The following STK32A variants were observed in gnomAD, a reference collection of about 807,000 sequenced individuals.
STK32A encodes serine/threonine-protein kinase 32A.
Under a neutral mutation model 53.2 loss-of-function variants are expected in STK32A, and 41 were observed. The observed-to-expected ratio is 0.77, with a 90% CI of 0.60 to 1.00. The LOEUF (loss-of-function observed/expected upper bound fraction) is 1.00. Among genes scored for constraint, STK32A ranks in the 50% least tolerant of loss-of-function variants. The pLI is 0.00. For missense variants in STK32A, 458 were observed against 485.8 expected (o/e 0.94, Z 0.54); for synonymous variants, 166 against 162.8 (o/e 1.02, Z -0.15).
Position 147,373,008 on chromosome 5 carries a change from T to G in STK32A, c.778-161T>G, listed in dbSNP as rs115043818. Among the ~76,000 whole-genome samples the G allele has an allele frequency of 1.2e-3, 183 of 152,276 alleles. 1 individual carries two copies. Among genetic ancestry groups the G allele is most frequent in the African/African-American group, 4.4e-3 (181 of 41,548 alleles). The stretch of plus-strand genomic sequence containing the variant: ...TTGCAGAATCCTACATACTGTTCAT[T>G]CTAATAATGTATGATCTACATTGTT... On this transcript the variant is annotated intron_variant, in intron 9 of 12. Transcript: ENST00000397936.
intron 7 of STK32A, among the ~76,000 whole-genome samples, chr5:147,355,894 T>G (rs1372716713): frequency 1.3e-5 from 2 of 151,816 alleles, no homozygotes; most frequent in Non-Finnish European, 2.9e-5. Flanking sequence ...TTTCCAGACA[T>G]TTTTTCCTAA....
chr5:147,332,884 G>T (rs1380485903), intron 5 of STK32A, among the ~76,000 whole-genome samples: 1 of 152,190 alleles, frequency 6.6e-6, no homozygotes, highest in Non-Finnish European at 1.5e-5. Context: ...AAAGGGCTTT[G>T]CAATTGTGTT....
chr5:147,326,420 G>T (rs1754591202), intron 5 of STK32A, among the ~76,000 whole-genome samples: 1 of 152,154 alleles, frequency 6.6e-6, no homozygotes, highest in East Asian at 1.9e-4. Context: ...AAACTATTCA[G>T]GTGCATTTCT....
the STK32A span, chr5:147,394,171 G>A: frequency 4.2e-5 from 66 of 1,588,774 alleles, no homozygotes; most frequent in African/African-American, 4.0e-4. Context: ...ACAGAGTGGC[G>A]GGTAGGGGGA....
chr5:147,273,244 G>A (rs1351527235), intron 2 of STK32A, among the ~76,000 whole-genome samples: 1 of 152,256 alleles, frequency 6.6e-6, no homozygotes, highest in African/African-American at 2.4e-5. Context: ...GAATCAGCAT[G>A]GTTTATGCTA....
intron 2 of STK32A, among the ~76,000 whole-genome samples, chr5:147,260,179 C>CT (rs1427782236): frequency 1.8e-4 from 2 of 11,118 alleles, no homozygotes; most frequent in African/African-American, 9.8e-4. Flanking sequence ...CTCTCTCTCT[C>CT]CTCTCTCTCT....
chr5:147,376,040 T>A (rs2152005766), intron 11 of STK32A: 1 of 152,280 alleles, frequency 6.6e-6, no homozygotes, highest in Admixed American at 6.5e-5. Flanking sequence ...TGCTAAAGAC[T>A]GGAGTGAGAA....
chr5:147,246,293 T>A (rs1406686182), intron 2 of STK32A, among the ~76,000 whole-genome samples: 1 of 152,100 alleles, frequency 6.6e-6, no homozygotes, highest in African/African-American at 2.4e-5. Flanking sequence ...TACAAAGGGA[T>A]TGGAGAAACA....
intron 5 of STK32A, among the ~76,000 whole-genome samples, chr5:147,335,781 G>A (rs1193580521): frequency 2.6e-5 from 4 of 152,186 alleles, no homozygotes; most frequent in Non-Finnish European, 2.9e-5. Context: ...AAAATACAGT[G>A]TGTGTGTGTA....
At chr5:147,266,971 C>T (rs993261829) in intron 2 of STK32A, among the ~76,000 whole-genome samples, 34 of 150,148 alleles carry the variant, frequency 2.3e-4, no homozygotes, top group Admixed American at 4.0e-4. Flanking sequence ...TGTGGTGAGC[C>T]GAGATTGTGC....
At chr5:147,339,352 C>T (rs147625476) in intron 5 of STK32A, among the ~76,000 whole-genome samples, 2 of 152,310 alleles carry the variant, frequency 1.3e-5, no homozygotes, top group African/African-American at 4.8e-5. Context: ...GGAACCTCTG[C>T]CTGGATTTCA....
intron 4 of STK32A, among the ~76,000 whole-genome samples, chr5:147,302,602 G>A (rs750266416): frequency 6.6e-6 from 1 of 152,134 alleles, no homozygotes; most frequent in Non-Finnish European, 1.5e-5. Context: ...TCTGAGTTAG[G>A]TACAAGACTA....
Position 147,239,642 on chromosome 5 carries a change from C to T in STK32A, c.8C>T (p.Ala3Val), listed in dbSNP as rs780042168. 1.2e-5 allele frequency: 20 copies of T among 1,607,454 alleles called. No homozygotes were observed. The highest frequency in any genetic ancestry group is 1.6e-4 in the Middle Eastern group (1 of 6,072). The change falls in exon 2 of 13, where the codon GCG (alanine) becomes GTG (valine). Residue 3 changes from alanine (A) to valine (V), a missense_variant. Physicochemically the swap from Ala to Val is moderately conservative, Grantham distance 64. Transcript: ENST00000397936. MGANTSRKPPVFD... is the reference protein window; with the variant it reads MGVNTSRKPPVFD... ...GTCTGGGCAGATTCAACCATGGGAG[C>T]GAACACTTCAAGAAAACCACCAGTG...
chr5:147,310,652 GTATT>G (rs1248550437), intron 4 of STK32A, among the ~76,000 whole-genome samples: 1 of 152,132 alleles, frequency 6.6e-6, no homozygotes, highest in Non-Finnish European at 1.5e-5. Flanking sequence ...AGCACAAAAA[GTATT>G]AACTTCTAAC....
intron 5 of STK32A, among the ~76,000 whole-genome samples, chr5:147,339,765 T>C (rs1755313759): frequency 6.6e-6 from 1 of 152,378 alleles, no homozygotes; most frequent in Admixed American, 6.5e-5. Flanking sequence ...ACTGCCCTGC[T>C]GGATTTCAGA....
chr5:147,303,824 GCA>G (rs1054272970), intron 4 of STK32A, among the ~76,000 whole-genome samples: 4 of 152,186 alleles, frequency 2.6e-5, no homozygotes, highest in African/African-American at 9.7e-5. Context: ...GAAGAAGGGA[GCA>G]CAGTTTCTGA....
At chr5:147,287,928 C>T (rs1284207668) in intron 4 of STK32A, among the ~76,000 whole-genome samples, 2 of 151,782 alleles carry the variant, frequency 1.3e-5, no homozygotes, top group Admixed American at 6.6e-5. Flanking sequence ...TCTTTCATCG[C>T]TGTGTGGGCA....
intron 4 of STK32A, among the ~76,000 whole-genome samples, chr5:147,298,077 A>G (rs1472134131): frequency 6.6e-6 from 1 of 151,356 alleles, no homozygotes; most frequent in Middle Eastern, 3.2e-3. Context: ...CTGTATTTTT[A>G]TAATCTCTGT....
At chr5:147,399,480 C>T in the STK32A span, among the ~76,000 whole-genome samples, 1 of 141,828 alleles carries the variant, frequency 7.1e-6, no homozygotes, top group Non-Finnish European at 1.6e-5. Context: ...AGTTACTGCC[C>T]CTGAAGTATG....
Sources: allele counts gnomAD v4.1 joint callset (sites outside exome capture counted in the v4.1 genomes callset), GRCh38; gene constraint gnomAD v4.1.1; transcripts MANE v1.5; gene names NCBI Gene and HGNC (gene_info 2026-07-23, HGNC 2026-07-21).